The following EYA2 variants were observed in gnomAD, a reference collection of about 807,000 sequenced individuals.
EYA2 encodes protein phosphatase EYA2.
A neutral mutation model predicts 69.2 loss-of-function variants in EYA2; 31 were observed. The ratio of observed to expected loss-of-function variants is 0.45; its 90% CI spans 0.34 to 0.60. EYA2 has a LOEUF of 0.60. EYA2 is among the 20% of genes least tolerant of loss of function. The probability of loss-of-function intolerance (pLI) is 0.02; values close to 1 mark genes in which losing one functional copy is unlikely to be tolerated. For synonymous variants in EYA2, 257 were observed against 279.4 expected, an observed-to-expected ratio of 0.92 and a Z score of 0.80; for missense variants, 622 against 701.2, an observed-to-expected ratio of 0.89 and a Z score of 1.28.
At chr20:47,004,414 GGGGTAGGATA>G (rs1982564886) in intron 3 of EYA2, among the ~76,000 whole-genome samples, 1 of 152,290 alleles carries the variant, frequency 6.6e-6, no homozygotes, top group East Asian at 1.9e-4. Context: ...TAGGACAATC[GGGGTAGGATA>G]GGCTATGCTA....
At chr20:47,097,511 A>G (rs560078602) in intron 9 of EYA2, among the ~76,000 whole-genome samples, 1 of 152,318 alleles carries the variant, frequency 6.6e-6, no homozygotes, top group Admixed American at 6.5e-5. Context: ...AAAACGAGGT[A>G]AAGTACTTTT....
intron 9 of EYA2, among the ~76,000 whole-genome samples, chr20:47,133,881 AC>A (rs2033399092): frequency 1.3e-5 from 2 of 152,324 alleles, no homozygotes; most frequent in South Asian, 4.1e-4. Flanking sequence ...GACCTCAGCC[AC>A]TCAGACACCA....
intron 5 of EYA2, among the ~76,000 whole-genome samples, chr20:47,071,166 CG>C (rs2031302057): frequency 6.6e-6 from 1 of 152,088 alleles, no homozygotes; most frequent in South Asian, 2.1e-4. Context: ...CACACCACCA[CG>C]CCTGGCTAAT....
intron 12 of EYA2, among the ~76,000 whole-genome samples, chr20:47,174,050 G>GT (rs2034381617): frequency 6.6e-6 from 1 of 152,224 alleles, no homozygotes; most frequent in Non-Finnish European, 1.5e-5. Flanking sequence ...TAGAACAGAG[G>GT]TTTTTAACTA....
chr20:46,960,297 T>C (rs1159136929), intron 1 of EYA2, among the ~76,000 whole-genome samples: 1 of 152,068 alleles, frequency 6.6e-6, no homozygotes, highest in Non-Finnish European at 1.5e-5. Flanking sequence ...AGAGACACTT[T>C]ACCCACGGGA....
chr20:46,991,570 C>T (rs888005908), intron 2 of EYA2, among the ~76,000 whole-genome samples: 20 of 152,152 alleles, frequency 1.3e-4, no homozygotes, highest in Admixed American at 9.8e-4. Flanking sequence ...CCACATCTGG[C>T]CCTGAAGTTT....
At chr20:46,959,652 G>A (rs1259714191) in intron 1 of EYA2, among the ~76,000 whole-genome samples, 2 of 82,332 alleles carry the variant, frequency 2.4e-5, no homozygotes, top group Non-Finnish European at 3.3e-5. Flanking sequence ...GCACGCACAC[G>A]CACGCACACG....
At chr20:47,173,136 C>A (rs935915629) in intron 12 of EYA2, among the ~76,000 whole-genome samples, 20 of 152,104 alleles carry the variant, frequency 1.3e-4, no homozygotes, top group Non-Finnish European at 2.6e-4. Flanking sequence ...GGGCGGAATT[C>A]TCTTACCCAC....
intron 5 of EYA2, among the ~76,000 whole-genome samples, chr20:47,052,691 CA>C (rs1342852036): frequency 6.6e-6 from 1 of 152,098 alleles, no homozygotes; most frequent in Admixed American, 6.5e-5. Flanking sequence ...GGTGTGATCA[CA>C]GCTCACTGCA....
intron 5 of EYA2, among the ~76,000 whole-genome samples, chr20:47,044,444 T>G (rs922197517): frequency 7.2e-5 from 11 of 152,004 alleles, no homozygotes; most frequent in Non-Finnish European, 1.6e-4. Context: ...AATCAATATT[T>G]GTAATAGAAT....
chr20:47,177,204 C>T (rs1235587989), intron 12 of EYA2, among the ~76,000 whole-genome samples: 1 of 152,096 alleles, frequency 6.6e-6, no homozygotes, highest in Admixed American at 6.5e-5. Context: ...CCTCGACCTC[C>T]TAGGCTCAAG....
chr20:46,900,823 C>T (rs1173264931), intron 1 of EYA2, among the ~76,000 whole-genome samples: 1 of 152,100 alleles, frequency 6.6e-6, no homozygotes, highest in South Asian at 2.1e-4. Flanking sequence ...ACTTAGATAT[C>T]GATTTTATTT....
chr20:47,040,110 G>C (rs1984968854), intron 5 of EYA2, among the ~76,000 whole-genome samples: 1 of 151,910 alleles, frequency 6.6e-6, no homozygotes, highest in South Asian at 2.1e-4. Flanking sequence ...CAAAGTGCTG[G>C]GATTACAGGC....
rs1344329519 is a variant in EYA2 at position 47,086,355 on chromosome 20, G to A, written c.662-2884G>A. ...ATAAAAATTAGCCAGGTATGGTGGC[G>A]TGTGCCTGTAATCCCAGCTAAAGAA... On this transcript the variant is annotated intron_variant, in intron 7 of 15. Coordinates refer to ENST00000327619, the MANE Select transcript of EYA2 (RefSeq NM_005244.5). Among the ~76,000 whole-genome samples, 19 of 152,122 alleles carry A rather than the reference G, an allele frequency of 1.2e-4. No homozygotes were observed. In the South Asian group the frequency reaches 1.7e-3, roughly 13 times the overall value.
At chr20:46,997,783 TATGATCAGTGGGA>T (rs1982119854) in intron 2 of EYA2, 1 of 152,416 alleles carries the variant, frequency 6.6e-6, no homozygotes, top group Non-Finnish European at 1.5e-5. Context: ...AACAGAAAGC[TATGATCAGTGGGA>T]AGTCCACCTC....
chr20:46,986,780 G>C (rs933373593), intron 1 of EYA2, among the ~76,000 whole-genome samples: 7 of 152,042 alleles, frequency 4.6e-5, no homozygotes, highest in Non-Finnish European at 8.8e-5. Context: ...TGAACTAATA[G>C]AACAAGAACT....
chr20:47,143,152 T>C lies in EYA2; in HGVS notation c.978+4T>C, dbSNP rs2033631649. The C allele has an allele frequency of 6.2e-7, 1 of 1,608,564 alleles. No homozygotes were observed. The highest frequency in any genetic ancestry group is 1.3e-5 in the African/African-American group (1 of 74,682). On this transcript the variant is annotated splice_donor_region_variant and intron_variant, in intron 10 of 15. Coordinates refer to ENST00000327619, the MANE Select transcript of EYA2 (RefSeq NM_005244.5). Reference sequence around the variant, plus strand: ...TCTGTTCTTCAATGACCTGGAGGTTTGTGGTTGCTGATTTCATTTAATATT... The same window carrying C: ...TCTGTTCTTCAATGACCTGGAGGTTCGTGGTTGCTGATTTCATTTAATATT...
intron 1 of EYA2, among the ~76,000 whole-genome samples, chr20:46,925,945 G>T (rs1311391866): frequency 2.0e-5 from 3 of 152,080 alleles, no homozygotes; most frequent in African/African-American, 7.2e-5. Context: ...CACATAACTT[G>T]GTATCTCCAT....
At chr20:47,152,059 C>A (rs1330298039) in intron 10 of EYA2, among the ~76,000 whole-genome samples, 1 of 152,058 alleles carries the variant, frequency 6.6e-6, no homozygotes, top group Non-Finnish European at 1.5e-5. Flanking sequence ...ATCTGCAGAA[C>A]TCTAGAGGTT....
Sources: gnomAD v4.1 joint callset for allele counts (sites outside exome capture counted in the v4.1 genomes callset) on GRCh38, gnomAD v4.1.1 for gene constraint, MANE v1.5 for transcripts, NCBI Gene and HGNC (gene_info 2026-07-23, HGNC 2026-07-21) for gene names.